The following HP1BP3 variants were observed in gnomAD, a reference collection of about 807,000 sequenced individuals.
HP1BP3 encodes heterochromatin protein 1-binding protein 3.
HP1BP3 carries 12 observed loss-of-function variants against 62.5 expected under a neutral mutation model. That is an observed-to-expected ratio of 0.19 (90% confidence interval 0.12 to 0.31). The LOEUF is 0.31. HP1BP3 is among the 10% of genes least tolerant of loss of function. HP1BP3 has a pLI of 1.00. For missense variants in HP1BP3, 502 were observed against 651.8 expected (o/e 0.77, Z 2.50); for synonymous variants, 260 against 237.8 (o/e 1.09, Z -0.86).
intron 8 of HP1BP3, among the ~76,000 whole-genome samples, chr1:20,758,634 C>A (rs1209812446): frequency 6.6e-6 from 1 of 151,562 alleles, no homozygotes; most frequent in African/African-American, 2.4e-5. Flanking sequence ...GTGTGAGCCA[C>A]CACACCTGGC....
At chr1:20,754,158 G>A (rs1446489707) in intron 9 of HP1BP3, among the ~76,000 whole-genome samples, 1 of 152,208 alleles carries the variant, frequency 6.6e-6, no homozygotes, top group African/African-American at 2.4e-5. Flanking sequence ...TTCAGCAAGG[G>A]CGAAGGATAC....
intron 3 of HP1BP3, among the ~76,000 whole-genome samples, chr1:20,779,528 A>G (rs1267331398): frequency 2.6e-5 from 4 of 152,128 alleles, no homozygotes; most frequent in African/African-American, 4.8e-5. Context: ...TTATGTCCAG[A>G]ATGCTACTCT....
At chr1:20,776,116 A>C in intron 4 of HP1BP3, 1 of 941,106 alleles carries the variant, frequency 1.1e-6, no homozygotes, top group Non-Finnish European at 1.5e-6. Flanking sequence ...CCAATTCTTC[A>C]ACTGAATATT....
intron 1 of HP1BP3, among the ~76,000 whole-genome samples, chr1:20,784,001 G>A (rs1319052659): frequency 7.3e-6 from 1 of 136,784 alleles, no homozygotes; most frequent in Non-Finnish European, 1.6e-5. Flanking sequence ...TTTGTTTTAA[G>A]ACACGGTCTC....
At position 20,741,199 on chromosome 1, in the gene HP1BP3, C is replaced by T. The variant is rs969346585; in HGVS notation, c.*3598G>A. 6.6e-6 allele frequency among the ~76,000 whole-genome samples: 1 copy of T among 152,158 alleles called. No individual in the cohort carries two copies. Among genetic ancestry groups the T allele is most frequent in the African/African-American group, 2.4e-5 (1 of 41,430 alleles). ...TTAATCAGGTTCCAAAGATAGGAGA[C>T]CTTAACTATAATCCCAAATTTTTAA... is the stretch of plus-strand genomic sequence containing the variant. On this transcript the variant is annotated 3_prime_UTR_variant, in exon 13 of 13. Transcript: ENST00000438032.
intron 9 of HP1BP3, among the ~76,000 whole-genome samples, chr1:20,754,006 T>A (rs1570574780): frequency 6.6e-6 from 1 of 152,260 alleles, no homozygotes; most frequent in South Asian, 2.1e-4. Flanking sequence ...TGGAGGTTAA[T>A]CTAGAGCAAT....
In HP1BP3 at chr1:20,742,614, C is replaced by T. The variant is rs1224359077; in HGVS notation, c.*2183G>A. On this transcript the variant is annotated 3_prime_UTR_variant, in exon 13 of 13. Transcript: ENST00000438032. Reference sequence around the variant, plus strand: ...GAGTAGAAAAGACTTAAAGTGAGGGCGACACTTAGCTACTTCTGAGGATAT... The same window carrying T: ...GAGTAGAAAAGACTTAAAGTGAGGGTGACACTTAGCTACTTCTGAGGATAT... The T allele has an allele frequency of 6.6e-6, 1 of 152,432 alleles. No homozygotes were observed. Among genetic ancestry groups the T allele is most frequent in the Admixed American group, 6.6e-5 (1 of 15,244 alleles). 9.4% of individuals were successfully genotyped at this position (152,432 alleles called of 1,614,324 possible). A position where few individuals can be genotyped will look rare whatever the true frequency, so the allele number is the denominator to read the frequency against.
chr1:20,762,054 TA>T (rs2056513366), intron 8 of HP1BP3, among the ~76,000 whole-genome samples: 1 of 152,220 alleles, frequency 6.6e-6, no homozygotes, highest in African/African-American at 2.4e-5. Flanking sequence ...GATACCAGTA[TA>T]GACAACTTAC....
intron 9 of HP1BP3, among the ~76,000 whole-genome samples, chr1:20,754,273 TAAAATACTTGGCAATAAATTTA>T (rs911306864): frequency 9.8e-4 from 149 of 152,224 alleles, no homozygotes; most frequent in African/African-American, 3.5e-3. Context: ...GGAAAAAGAA[TAAAATACTTGGCAATAAATTTA>T]ACAAAAAAAA....
In HP1BP3 at chr1:20,773,546, G is replaced by A; in HGVS notation, c.415C>T (p.Leu139Phe). ...VKKTIPSWAT[L>F]SASQLARAQK... is the part of the protein sequence containing the mutation. The stretch of plus-strand genomic sequence containing the variant: ...GCCCTGGCTAGCTGGCTGGCAGAAA[G>A]GGTAGCCCAGGAAGGAATTGTTTTT... The change falls in exon 5 of 13, where the codon CTT becomes TTT. Residue 139 changes from leucine (L) to phenylalanine (F), a missense_variant. By Grantham distance (22) the Leu-to-Phe change is conservative. This residue lies in a region of HP1BP3 where 7 missense variants were observed against 23.9 expected (regional missense o/e 0.29). Coordinates refer to ENST00000438032, the MANE Select transcript of HP1BP3 (RefSeq NM_001372052.1). 1 of 1,611,864 alleles carries A rather than the reference G, an allele frequency of 6.2e-7. No homozygotes were observed. Among genetic ancestry groups the A allele is most frequent in the Non-Finnish European group, 8.5e-7 (1 of 1,178,620 alleles).
chr1:20,754,933 C>A (rs939373510), intron 9 of HP1BP3, among the ~76,000 whole-genome samples: 1 of 151,970 alleles, frequency 6.6e-6, no homozygotes, highest in African/African-American at 2.4e-5. Context: ...CATAAAACTG[C>A]AAAAGCAATT....
At chr1:20,777,738 G>A (rs968404002) in intron 3 of HP1BP3, among the ~76,000 whole-genome samples, 7 of 152,294 alleles carry the variant, frequency 4.6e-5, no homozygotes, top group South Asian at 4.1e-4. Flanking sequence ...GATTACAGGC[G>A]TGAGCCACCG....
intron 4 of HP1BP3, chr1:20,775,564 T>C (rs537422505): frequency 2.0e-3 from 318 of 161,558 alleles, no homozygotes; most frequent in Non-Finnish European, 3.3e-3. Context: ...ACAGTAGTCC[T>C]AGGCCTTTGC....
rs987212332 is a variant in HP1BP3, at chr1:20,746,953, T to C, written c.1253+591A>G. ...ATCACTTGAGCCCAGGAGGCGGAGA[T>C]TGCAGTGAGCCGAGATTATACCACT... On this transcript the variant is annotated intron_variant, in intron 11 of 12. Coordinates refer to ENST00000438032, the MANE Select transcript of HP1BP3 (RefSeq NM_001372052.1). Among the ~76,000 whole-genome samples the C allele has an allele frequency of 9.9e-5, 15 of 152,146 alleles. No homozygotes were observed. In the East Asian group the frequency reaches 1.2e-3, roughly 12 times the overall value.
chr1:20,784,469 G>C (rs1223033786), intron 1 of HP1BP3, among the ~76,000 whole-genome samples: 1 of 137,286 alleles, frequency 7.3e-6, no homozygotes, highest in South Asian at 2.3e-4. Flanking sequence ...ACTTATTTGT[G>C]TTTTCCCTTT....
chr1:20,772,705 A>G (rs985464025), intron 5 of HP1BP3, among the ~76,000 whole-genome samples: 2 of 152,184 alleles, frequency 1.3e-5, no homozygotes, highest in Admixed American at 1.3e-4. Flanking sequence ...TCCTAACAAC[A>G]GGGTCCCTGA....
chr1:20,740,657 GA>G lies in HP1BP3; in HGVS notation c.*4139del, dbSNP rs2055056914. Among the ~76,000 whole-genome samples the G allele has an allele frequency of 6.6e-6, 1 of 152,130 alleles. No homozygotes were observed. The highest frequency in any genetic ancestry group is 2.1e-4 in the South Asian group (1 of 4,830). ...GCAACACAGTGAGGCCCCATCTCTA[GA>G]AAAGATAAATTAGCCAGGCATTTAT... On this transcript the variant is annotated 3_prime_UTR_variant, in exon 13 of 13. Coordinates refer to ENST00000438032, the MANE Select transcript of HP1BP3 (RefSeq NM_001372052.1).
chr1:20,750,348 C>T (rs1409190287), intron 9 of HP1BP3: 1 of 64,930 alleles, frequency 1.5e-5, no homozygotes, highest in East Asian at 2.2e-4. Flanking sequence ...CACACACACA[C>T]ACACACACAC....
chr1:20,769,495 G>C (rs2056952375), intron 6 of HP1BP3, among the ~76,000 whole-genome samples: 1 of 152,140 alleles, frequency 6.6e-6, no homozygotes, highest in African/African-American at 2.4e-5. Flanking sequence ...CAGGTAGAGA[G>C]TGCGGTGAGC....
Sources: allele counts gnomAD v4.1 joint callset (sites outside exome capture counted in the v4.1 genomes callset), GRCh38; gene constraint gnomAD v4.1.1; regional missense constraint gnomAD v4.1.1; transcripts MANE v1.5; gene names NCBI Gene and HGNC (gene_info 2026-07-23, HGNC 2026-07-21).